Variants in ANGPT1 observed in about 807,000 individuals in gnomAD.
ANGPT1 encodes angiopoietin-1.
Under a neutral mutation model 62.2 loss-of-function variants are expected in ANGPT1, and 17 were observed. The observed-to-expected ratio is 0.27, with a 90% CI of 0.19 to 0.41. The LOEUF (loss-of-function observed/expected upper bound fraction) is 0.41. ANGPT1 is among the 10% of genes least tolerant of loss of function. The pLI is 1.00. For missense variants in ANGPT1, 478 were observed against 594.9 expected (o/e 0.80, Z 2.04); for synonymous variants, 199 against 198.9 (o/e 1.00, Z 0.00).
At chr8:107,357,209 A>G (rs569259368) in intron 1 of ANGPT1, among the ~76,000 whole-genome samples, 1 of 152,336 alleles carries the variant, frequency 6.6e-6, no homozygotes, top group South Asian at 2.1e-4. Flanking sequence ...TCTGTCATGG[A>G]CAGCTCCAGT....
At chr8:107,488,307 CCTAA>C (rs1812867869) in intron 1 of ANGPT1, among the ~76,000 whole-genome samples, 1 of 152,110 alleles carries the variant, frequency 6.6e-6, no homozygotes, top group Non-Finnish European at 1.5e-5. Context: ...GGCAGCTTTA[CCTAA>C]CTAATATTTG....
At chr8:107,436,190 G>A (rs899705302) in intron 1 of ANGPT1, among the ~76,000 whole-genome samples, 1 of 152,206 alleles carries the variant, frequency 6.6e-6, no homozygotes, top group Non-Finnish European at 1.5e-5. Flanking sequence ...AGAGGCATGA[G>A]CCACAGTGCC....
At chr8:107,457,890 T>A (rs150116937) in intron 1 of ANGPT1, among the ~76,000 whole-genome samples, 2 of 150,930 alleles carry the variant, frequency 1.3e-5, no homozygotes, top group East Asian at 1.9e-4. Context: ...AAAATACCTA[T>A]GAAAGCATTT....
At chr8:107,266,863 T>C (rs1813626264) in intron 7 of ANGPT1, among the ~76,000 whole-genome samples, 1 of 152,134 alleles carries the variant, frequency 6.6e-6, no homozygotes, top group Admixed American at 6.6e-5. Flanking sequence ...ACAATCTAAG[T>C]CTCATAATTT....
In ANGPT1 at chr8:107,481,532, CAAAAAAAAA is replaced by C. The variant is rs71562147; in HGVS notation, c.297+15721_297+15729del. On this transcript the variant is annotated intron_variant, in intron 1 of 8. Transcript: ENST00000517746. ...CTGGCAACAAAGCAAGACTCTGTCT[CAAAAAAAAA>C]AAAAAAAAAAAAAAAGGAAGAAGAA... Among the ~76,000 whole-genome samples, 84 of 64,316 alleles carry C rather than the reference CAAAAAAAAA, an allele frequency of 1.3e-3. 2 individuals carry two copies. Among genetic ancestry groups the C allele is most frequent in the East Asian group, 5.5e-3 (18 of 3,260 alleles). The allele number at this position is 64,316 out of a possible 152,430, so 42.2% of individuals were successfully genotyped here.
intron 3 of ANGPT1, among the ~76,000 whole-genome samples, chr8:107,330,698 A>G (rs1815400675): frequency 6.6e-6 from 1 of 152,152 alleles, no homozygotes; most frequent in Non-Finnish European, 1.5e-5. Context: ...CCTAAGACAT[A>G]GTCAGTGGGA....
chr8:107,343,233 G>C (rs35322733), intron 2 of ANGPT1, among the ~76,000 whole-genome samples: 1 of 152,118 alleles, frequency 6.6e-6, no homozygotes, highest in Non-Finnish European at 1.5e-5. Flanking sequence ...AAACATGCAG[G>C]AAATATATTA....
rs1282854619 is a variant in ANGPT1 at position 107,284,822 on chromosome 8, A to G, written c.1065T>C (p.Tyr355=). ...CAAAAATAAACTCATTCCCCAGCCA[A>G]TATTCACCGGAGGGATTTCCAAAAC... is the stretch of plus-strand genomic sequence containing the variant. The part of the protein sequence containing the change: ...KMGFGNPSGE[Y]WLGNEFIFAI... The change falls in exon 7 of 9, where the codon TAT becomes TAC. Residue 355 remains tyrosine (Y), a synonymous_variant. Transcript: ENST00000517746. 6.2e-7 allele frequency: 1 copy of G among 1,603,320 alleles called. No individual in the cohort carries two copies. Among genetic ancestry groups the G allele is most frequent in the Non-Finnish European group, 8.5e-7 (1 of 1,173,164 alleles).
At chr8:107,437,142 T>G (rs1811356114) in intron 1 of ANGPT1, among the ~76,000 whole-genome samples, 1 of 152,206 alleles carries the variant, frequency 6.6e-6, no homozygotes, top group Admixed American at 6.5e-5. Flanking sequence ...TTTTCTAATA[T>G]TACATATTGC....
intron 1 of ANGPT1, among the ~76,000 whole-genome samples, chr8:107,401,676 ATTATT>A (rs1256206349): frequency 6.6e-6 from 1 of 152,212 alleles, no homozygotes. Flanking sequence ...TTGATGCAGG[ATTATT>A]TTATTTGCTC....
At chr8:107,495,639 C>T (rs1247066748) in intron 1 of ANGPT1, among the ~76,000 whole-genome samples, 1 of 152,076 alleles carries the variant, frequency 6.6e-6, no homozygotes, top group Non-Finnish European at 1.5e-5. Context: ...CTCAAAGAAT[C>T]CAGACTAATA....
At chr8:107,430,882 C>T (rs1250469301) in intron 1 of ANGPT1, among the ~76,000 whole-genome samples, 1 of 152,210 alleles carries the variant, frequency 6.6e-6, no homozygotes, top group African/African-American at 2.4e-5. Flanking sequence ...TTATTTGGTG[C>T]ACTAAGATTA....
chr8:107,445,685 T>C (rs1280163472), intron 1 of ANGPT1, among the ~76,000 whole-genome samples: 1 of 152,134 alleles, frequency 6.6e-6, no homozygotes, highest in Non-Finnish European at 1.5e-5. Flanking sequence ...AAATCAAACA[T>C]AATTTCTGTT....
At chr8:107,496,312 T>G (rs1392354221) in intron 1 of ANGPT1, among the ~76,000 whole-genome samples, 1 of 152,220 alleles carries the variant, frequency 6.6e-6, no homozygotes, top group African/African-American at 2.4e-5. Flanking sequence ...CAGAATGAAT[T>G]GCAGAAGTGT....
At chr8:107,363,507 C>T (rs1233602787) in intron 1 of ANGPT1, among the ~76,000 whole-genome samples, 1 of 152,128 alleles carries the variant, frequency 6.6e-6, no homozygotes, top group East Asian at 1.9e-4. Flanking sequence ...AAGTTTTGGA[C>T]TCTGTTAGCT....
At position 107,257,876 on chromosome 8, in the gene ANGPT1, G is replaced by GTTTTT. The variant is rs1371396961; in HGVS notation, c.1337-5862_1337-5861insAAAAA. Among the ~76,000 whole-genome samples, 358 of 84,650 alleles carry GTTTTT rather than the reference G, an allele frequency of 4.2e-3. 5 individuals carry two copies. The highest frequency in any genetic ancestry group is 8.7e-3 in the East Asian group (25 of 2,868). 55.5% of individuals were successfully genotyped at this position (84,650 alleles called of 152,430 possible). The stretch of plus-strand genomic sequence containing the variant: ...CTCTTCAGGCCAAGGACTTGTTTTT[G>GTTTTT]TTTCTTTTTTGTTTGTTTGTTTGTT... On this transcript the variant is annotated intron_variant, in intron 8 of 8. Transcript: ENST00000517746.
intron 6 of ANGPT1, among the ~76,000 whole-genome samples, chr8:107,285,111 C>G (rs995873470): frequency 2.0e-5 from 3 of 152,166 alleles, no homozygotes; most frequent in African/African-American, 7.2e-5. Flanking sequence ...TAAAATAAAT[C>G]TAGTTAATAG....
rs1813562463 is a variant in ANGPT1, at chr8:107,264,234, G to A, written c.1323C>T (p.Leu441=). The change falls in exon 8 of 9, where the codon CTC becomes CTT. Residue 441 remains leucine (L), a synonymous_variant. Transcript: ENST00000517746. ...DNDNCMCKCA[L]MLTGGWWFDA... ...CATAGGACTTACCTCCTGTTAACAT[G>A]AGGGCACATTTGCACATACAGTTGT... The A allele has an allele frequency of 6.2e-7, 1 of 1,613,450 alleles. No homozygotes were observed. The highest frequency in any genetic ancestry group is 2.2e-5 in the East Asian group (1 of 44,848).
chr8:107,290,333 T>C (rs1230527557), intron 6 of ANGPT1, among the ~76,000 whole-genome samples: 1 of 151,972 alleles, frequency 6.6e-6, no homozygotes, highest in Non-Finnish European at 1.5e-5. Flanking sequence ...AAGGAAGAAA[T>C]GTAGCATCCT....
Sources: gnomAD v4.1 joint callset for allele counts (sites outside exome capture counted in the v4.1 genomes callset) on GRCh38, gnomAD v4.1.1 for gene constraint, MANE v1.5 for transcripts, NCBI Gene and HGNC (gene_info 2026-07-23, HGNC 2026-07-21) for gene names.